ABCF2: variants seen among roughly 807,000 people sequenced by gnomAD.
The protein encoded by ABCF2 is ATP-binding cassette sub-family F member 2.
Under a neutral mutation model 76.9 loss-of-function variants are expected in ABCF2, and 37 were observed. The observed-to-expected ratio is 0.48, with a 90% CI of 0.37 to 0.63. The LOEUF (loss-of-function observed/expected upper bound fraction) is 0.63, where lower values mean the gene tolerates loss of function less well. ABCF2 is among the 30% of genes least tolerant of loss of function. The pLI is 0.00. For synonymous variants in ABCF2, 299 were observed against 283.7 expected, an observed-to-expected ratio of 1.05 and a Z score of -0.54; for missense variants, 524 against 782.1, an observed-to-expected ratio of 0.67 and a Z score of 3.94.
rs1449801356 is a variant in ABCF2 at position 151,215,686 on chromosome 7, A to C, written c.1448T>G (p.Met483Arg). The C allele has an allele frequency of 6.2e-7, 1 of 1,614,160 alleles. No homozygotes were observed. The highest frequency in any genetic ancestry group is 1.7e-5 in the Admixed American group (1 of 60,016). ...CTTGATCTCTGGGTAGCACTTCATC[A>C]TGTACTCCAAAGGTGAGAGATCTAA... Reference protein sequence around the residue: ...LDLDLSPLEYMMKCYPEIKEK... With the variant: ...LDLDLSPLEYRMKCYPEIKEK... The change falls in exon 13 of 15, where the codon ATG becomes AGG. Residue 483 changes from methionine (M) to arginine (R), a missense_variant. Met to Arg is a moderately conservative substitution (Grantham distance 91). Transcript: ENST00000287844. The surrounding 1 kb of genome is among the most constrained non-coding windows in gnomAD (Gnocchi z 4.6).
At chr7:151,223,563 A>C in intron 5 of ABCF2, 115 bp downstream of exon 5, 1 of 1,218,642 alleles carries the variant, frequency 8.2e-7, no homozygotes, top group Non-Finnish European at 1.1e-6. Context: ...GCAGATGTCC[A>C]TGTCTCATTT....
rs1802129257 is a variant in ABCF2 at position 151,215,357 on chromosome 7, C to T, written c.1530+247G>A. 6.6e-6 allele frequency among the ~76,000 whole-genome samples: 1 copy of T among 152,214 alleles called. No homozygotes were observed. ...AATTTGTTTTCTAGATTACAAGTTC[C>T]TTTGCCCTCAAGCACTATGGCACAA... On this transcript the variant is annotated intron_variant, in intron 13 of 14. Coordinates refer to ENST00000287844, the MANE Select transcript of ABCF2 (RefSeq NM_007189.3). This position sits in a 1 kb window ranked among gnomAD's most constrained non-coding sequence, Gnocchi z 4.6.
rs758243096 is a variant in ABCF2, at chr7:151,213,330, C to T, written c.*724G>A. Reference sequence around the variant, plus strand: ...ATGTTAAAGTCTGTGAATCACAGGCCTGAGAAAAGGTACAATTTCAAATCA... The same window carrying T: ...ATGTTAAAGTCTGTGAATCACAGGCTTGAGAAAAGGTACAATTTCAAATCA... On this transcript the variant is annotated 3_prime_UTR_variant, in exon 15 of 15. Coordinates refer to ENST00000287844, the MANE Select transcript of ABCF2 (RefSeq NM_007189.3). The T allele has an allele frequency of 2.2e-5, 22 of 985,100 alleles. No homozygotes were observed. The highest frequency in any genetic ancestry group is 2.7e-5 in the Non-Finnish European group (22 of 829,770). The allele number at this position is 985,100 out of a possible 1,614,324, so 61.0% of individuals were successfully genotyped here.
intron 6 of ABCF2, 27 bp from the exon 7 acceptor site, chr7:151,221,707 A>G: frequency 6.5e-7 from 1 of 1,527,826 alleles, no homozygotes; most frequent in Non-Finnish European, 9.1e-7. Flanking sequence ...CCAATTAGTG[A>G]AGAGCTCAAC....
Position 151,226,301 on chromosome 7 carries a change from T to C in ABCF2, c.154+4A>G. On this transcript the variant is annotated splice_donor_region_variant and intron_variant, in intron 2 of 14. Transcript: ENST00000287844. ...ATCCCCAACTCACCCCTCCCTCAAT[T>C]CACCTGTGGTCTCTCTGCCATTGGC... 1 of 1,612,782 alleles carries C rather than the reference T, an allele frequency of 6.2e-7. No individual in the cohort carries two copies. Among genetic ancestry groups the C allele is most frequent in the Non-Finnish European group, 8.5e-7 (1 of 1,179,360 alleles).
At position 151,227,048 on chromosome 7, in the gene ABCF2, A is replaced by G. The variant is rs150743106; in HGVS notation, c.-43+115T>C. ...CCGTCAGCTTCTCTCCCTTAGCCCT[A>G]TCTTCCCCCTCGCAGAGCCCTCCAT... is the stretch of plus-strand genomic sequence containing the variant. On this transcript the variant is annotated intron_variant, in intron 1 of 14. Transcript: ENST00000287844. The G allele has an allele frequency of 2.0e-4, 20 of 100,438 alleles. 1 individual carries two copies. The highest frequency in any genetic ancestry group is 7.9e-4 in the African/African-American group (20 of 25,250). 6.2% of individuals were successfully genotyped at this position (100,438 alleles called of 1,614,324 possible). A position where few individuals can be genotyped will look rare whatever the true frequency, so the allele number is the denominator to read the frequency against.
In ABCF2 at chr7:151,214,418, C is replaced by T. The variant is rs924595075; in HGVS notation, c.1735-227G>A. On this transcript the variant is annotated intron_variant, in intron 14 of 14. Coordinates refer to ENST00000287844, the MANE Select transcript of ABCF2 (RefSeq NM_007189.3). The surrounding 1 kb of genome is among the most constrained non-coding windows in gnomAD (Gnocchi z 4.9). ...TGCTGTGTCACTCCTATTGTCAGCT[C>T]CCTGGCAGGGCCTAGATCTATTCAG... Among the ~76,000 whole-genome samples the T allele has an allele frequency of 2.6e-5, 4 of 152,138 alleles. No homozygotes were observed. Among genetic ancestry groups the T allele is most frequent in the African/African-American group, 9.7e-5 (4 of 41,422 alleles).
rs1001112917 is a variant in ABCF2 at position 151,215,538 on chromosome 7, C to G, written c.1530+66G>C. On this transcript the variant is annotated intron_variant, in intron 13 of 14. Transcript: ENST00000287844. The surrounding 1 kb of genome is among the most constrained non-coding windows in gnomAD (Gnocchi z 4.6). ...CAAACCCAGGCTGCCAGGACAGTAT[C>G]CCCTGACCCACCCAGCCACAGTCTG... The G allele has an allele frequency of 1.1e-5, 17 of 1,597,310 alleles. No individual in the cohort carries two copies. The highest frequency in any genetic ancestry group is 1.5e-5 in the Non-Finnish European group (17 of 1,171,728).
At position 151,215,909 on chromosome 7, in the gene ABCF2, G is replaced by C. The variant is rs1013768277; in HGVS notation, c.1401+58C>G. ...GGGGCGGCTGGCTGGAACTCAGCCA[G>C]ATACAGCCCCTCCCTATACCCTGGG... On this transcript the variant is annotated intron_variant, in intron 12 of 14. Coordinates refer to ENST00000287844, the MANE Select transcript of ABCF2 (RefSeq NM_007189.3). This position sits in a 1 kb window ranked among gnomAD's most constrained non-coding sequence, Gnocchi z 4.6. The C allele has an allele frequency of 1.1e-5, 17 of 1,598,178 alleles. No homozygotes were observed. The highest frequency in any genetic ancestry group is 1.5e-5 in the Non-Finnish European group (17 of 1,167,456).
intron 7 of ABCF2, among the ~76,000 whole-genome samples, chr7:151,220,154 G>A (rs1311649278): frequency 6.6e-6 from 1 of 151,968 alleles, no homozygotes; most frequent in Non-Finnish European, 1.5e-5. Context: ...CACTTTGGGA[G>A]GCCGAGGCAG....
chr7:151,214,009 G>A lies in ABCF2; in HGVS notation c.*45C>T. 7 of 1,608,188 alleles carry A rather than the reference G, an allele frequency of 4.4e-6. 1 individual carries two copies. In the South Asian group the frequency reaches 7.7e-5, roughly 18 times the overall value. On this transcript the variant is annotated 3_prime_UTR_variant, in exon 15 of 15. Transcript: ENST00000287844. The surrounding 1 kb of genome is among the most constrained non-coding windows in gnomAD (Gnocchi z 4.9). ...TGAGCGGCTGGTCAGGTTAGCAGCT[G>A]TTAGTTCCCAGATGGAGCTCCTGAC...
At position 151,214,802 on chromosome 7, in the gene ABCF2, A is replaced by C. The variant is rs1584837877; in HGVS notation, c.1734+77T>G. 1.4e-6 allele frequency: 2 copies of C among 1,407,222 alleles called. No individual in the cohort carries two copies. The highest frequency in any genetic ancestry group is 1.2e-5 in the South Asian group (1 of 85,136). 87.2% of individuals were successfully genotyped at this position (1,407,222 alleles called of 1,614,324 possible). On this transcript the variant is annotated intron_variant, in intron 14 of 14. Transcript: ENST00000287844. This position sits in a 1 kb window ranked among gnomAD's most constrained non-coding sequence, Gnocchi z 4.9. ...TTAATTCAGTAGGCGGGTATTATGCACCCTCCACATGCCATGACTACCCTA... is the reference window on the plus strand; with the variant it reads ...TTAATTCAGTAGGCGGGTATTATGCCCCCTCCACATGCCATGACTACCCTA...
At position 151,221,608 on chromosome 7, in the gene ABCF2, G is replaced by A. The variant is rs1285292647; in HGVS notation, c.891C>T (p.His297=). ...FLNGVCTNII[H]MHNKKLKYYT... is the part of the protein sequence containing the mutation. ...AATACTTCAGTTTCTTGTTGTGCAT[G>A]TGAATGATATTGGTACAGACACCAT... Residue 297 remains histidine, a synonymous_variant, in exon 7 of 15, where the codon CAC becomes CAT. Coordinates refer to ENST00000287844, the MANE Select transcript of ABCF2 (RefSeq NM_007189.3). The A allele has an allele frequency of 2.5e-6, 4 of 1,608,132 alleles. No homozygotes were observed. In the African/African-American group the frequency reaches 5.4e-5, roughly 22 times the overall value.
chr7:151,214,330 T>C lies in ABCF2; in HGVS notation c.1735-139A>G. 4 of 1,304,018 alleles carry C rather than the reference T, an allele frequency of 3.1e-6. No individual in the cohort carries two copies. Among genetic ancestry groups the C allele is most frequent in the Non-Finnish European group, 1.1e-6 (1 of 934,530 alleles). 80.8% of individuals were successfully genotyped at this position (1,304,018 alleles called of 1,614,324 possible). ...AACTCACTGTCTCACTACTTCTAAG[T>C]TATTTGGGATGTTCTAACCCAAGGG... On this transcript the variant is annotated intron_variant, in intron 14 of 14. Transcript: ENST00000287844. This position sits in a 1 kb window ranked among gnomAD's most constrained non-coding sequence, Gnocchi z 4.9.
chr7:151,224,174 T>A, intron 3 of ABCF2, 60 bp from the exon 4 acceptor site: 1 of 1,542,258 alleles, frequency 6.5e-7, no homozygotes, highest in Non-Finnish European at 8.8e-7. Context: ...TCTTCACCAC[T>A]AGTTCTTCCA....
In ABCF2 at chr7:151,215,409, C is replaced by T. The variant is rs1398335912; in HGVS notation, c.1530+195G>A. On this transcript the variant is annotated intron_variant, in intron 13 of 14. Transcript: ENST00000287844. The surrounding 1 kb of genome is among the most constrained non-coding windows in gnomAD (Gnocchi z 4.6). ...GGCATGTCAGAGACTGGCACGCTAT[C>T]CTTGCCCCCTCAAAATGCTCCATTA... Among the ~76,000 whole-genome samples the T allele has an allele frequency of 6.6e-6, 1 of 152,190 alleles. No individual in the cohort carries two copies.
rs186049884 is a variant in ABCF2 at position 151,222,819 on chromosome 7, C to T, written c.723-203G>A. ...AGAGAAGAGATTGAAGAGTAGAATA[C>T]GGGGCTCAGAAGCATATAAGGACAG... On this transcript the variant is annotated intron_variant, in intron 5 of 14. Transcript: ENST00000287844. Among the ~76,000 whole-genome samples, 311 of 152,192 alleles carry T rather than the reference C, an allele frequency of 2.0e-3. 2 individuals carry two copies. The highest frequency in any genetic ancestry group is 8.7e-3 in the East Asian group (45 of 5,184).
At position 151,224,153 on chromosome 7, in the gene ABCF2, T is replaced by C. The variant is rs371903305; in HGVS notation, c.368-39A>G. On this transcript the variant is annotated intron_variant, in intron 3 of 14. Coordinates refer to ENST00000287844, the MANE Select transcript of ABCF2 (RefSeq NM_007189.3). ...GCAGCAGACGCTTGGTACAGTGAAC[T>C]CCCCTATCCCTCTTCACCACTAGTT... The C allele has an allele frequency of 3.1e-6, 5 of 1,596,420 alleles. No individual in the cohort carries two copies. The African/African-American group carries it at 6.8e-5, about 22-fold the overall frequency.
chr7:151,216,585 C>T (rs925385766), intron 11 of ABCF2, among the ~76,000 whole-genome samples: 15 of 152,240 alleles, frequency 9.9e-5, no homozygotes, highest in African/African-American at 3.4e-4. Context: ...AGTGCAGTGG[C>T]GAGATCTCGA....
Sources: allele counts gnomAD v4.1 joint callset (sites outside exome capture counted in the v4.1 genomes callset), GRCh38; gene constraint gnomAD v4.1.1; non-coding constraint Gnocchi (gnomAD v3.1); transcripts MANE v1.5; gene names NCBI Gene and HGNC (gene_info 2026-07-23, HGNC 2026-07-21).